C1QTNF7: variants seen among roughly 807,000 people sequenced by gnomAD.
The protein encoded by C1QTNF7 is C1q and TNF related 7.
Under a neutral mutation model 19.6 loss-of-function variants are expected in C1QTNF7, and 15 were observed. The ratio of observed to expected loss-of-function variants is 0.76; its 90% CI spans 0.51 to 1.18. The LOEUF is 1.18. C1QTNF7 is among the 50% of genes most tolerant of loss of function. The pLI, the probability that C1QTNF7 is intolerant of heterozygous loss-of-function variation, is 0.00. For missense variants in C1QTNF7, 324 were observed against 359.7 expected (o/e 0.90, Z 0.80); for synonymous variants, 142 against 137.5 (o/e 1.03, Z -0.23).
chr4:15,403,774 A>G (rs1719083828), intron 1 of C1QTNF7, among the ~76,000 whole-genome samples: 1 of 152,202 alleles, frequency 6.6e-6, no homozygotes, highest in Admixed American at 6.5e-5. Flanking sequence ...GTAACAACTA[A>G]AACTGCTTGC....
At chr4:15,388,603 A>G (rs1718431525) in intron 1 of C1QTNF7, among the ~76,000 whole-genome samples, 1 of 152,212 alleles carries the variant, frequency 6.6e-6, no homozygotes, top group Non-Finnish European at 1.5e-5. Flanking sequence ...GAATTTGTGA[A>G]GGTGCTGTAG....
At chr4:15,361,011 A>G (rs1717325301) in intron 1 of C1QTNF7, among the ~76,000 whole-genome samples, 2 of 152,290 alleles carry the variant, frequency 1.3e-5, no homozygotes, top group South Asian at 2.1e-4. Context: ...TCTCTTCCTC[A>G]TCTATTATCT....
At chr4:15,371,035 C>T (rs1267675753) in intron 1 of C1QTNF7, among the ~76,000 whole-genome samples, 1 of 152,200 alleles carries the variant, frequency 6.6e-6, no homozygotes, top group Non-Finnish European at 1.5e-5. Context: ...GTAGGAATTC[C>T]TCCTAGTTCC....
At chr4:15,376,803 T>G (rs377440365) in intron 1 of C1QTNF7, among the ~76,000 whole-genome samples, 6 of 152,362 alleles carry the variant, frequency 3.9e-5, no homozygotes, top group African/African-American at 1.4e-4. Flanking sequence ...TAAACATTAT[T>G]GACTGTGATG....
intron 2 of C1QTNF7, among the ~76,000 whole-genome samples, chr4:15,436,848 T>C (rs1712559138): frequency 6.6e-6 from 1 of 152,216 alleles, no homozygotes. Context: ...AAAAATTCTA[T>C]ATAACTCCAA....
At chr4:15,340,684 T>C (rs149818654) in intron 1 of C1QTNF7, among the ~76,000 whole-genome samples, 6 of 152,254 alleles carry the variant, frequency 3.9e-5, no homozygotes, top group African/African-American at 9.6e-5. Flanking sequence ...TGGCTTCTTA[T>C]TAACTTGTTT....
At chr4:15,392,548 T>C (rs1000867862) in intron 1 of C1QTNF7, among the ~76,000 whole-genome samples, 3 of 152,192 alleles carry the variant, frequency 2.0e-5, no homozygotes, top group African/African-American at 7.2e-5. Flanking sequence ...CACATCTGCC[T>C]GGGCCCCAGC....
At chr4:15,428,574 A>G (rs1400803709) in intron 1 of C1QTNF7, among the ~76,000 whole-genome samples, 1 of 152,194 alleles carries the variant, frequency 6.6e-6, no homozygotes, top group African/African-American at 2.4e-5. Flanking sequence ...GCCATAACAC[A>G]GTGCAATTGT....
At chr4:15,394,858 C>A (rs1294052479) in intron 1 of C1QTNF7, among the ~76,000 whole-genome samples, 1 of 151,832 alleles carries the variant, frequency 6.6e-6, no homozygotes, top group Non-Finnish European at 1.5e-5. Flanking sequence ...GATATCGGCA[C>A]CCAAGGGGAT....
chr4:15,409,191 C>A (rs1337404208), intron 1 of C1QTNF7, among the ~76,000 whole-genome samples: 1 of 152,166 alleles, frequency 6.6e-6, no homozygotes, highest in Non-Finnish European at 1.5e-5. Context: ...AAACATCTAT[C>A]TTTTTAAAAG....
At chr4:15,398,043 T>G (rs994117212) in intron 1 of C1QTNF7, among the ~76,000 whole-genome samples, 1 of 152,208 alleles carries the variant, frequency 6.6e-6, no homozygotes, top group African/African-American at 2.4e-5. Flanking sequence ...CTTTCTTGCT[T>G]CTTTTCCCAA....
intron 1 of C1QTNF7, among the ~76,000 whole-genome samples, chr4:15,382,099 A>T (rs990514657): frequency 1.3e-5 from 2 of 152,208 alleles, no homozygotes; most frequent in African/African-American, 4.8e-5. Flanking sequence ...TAATTCCCAG[A>T]ATTTGTGCAA....
chr4:15,442,183 C>G lies in C1QTNF7; in HGVS notation c.254C>G (p.Thr85Ser). 1 of 1,608,550 alleles carries G rather than the reference C, an allele frequency of 6.2e-7. No individual in the cohort carries two copies. The highest frequency in any genetic ancestry group is 1.1e-5 in the South Asian group (1 of 90,076). Reference protein sequence around the residue: ...EKGTAGLRGKTGPLGLAGEKG... With the variant: ...EKGTAGLRGKSGPLGLAGEKG... Reference sequence around the variant, plus strand: ...CTTTCTGAAGGTTTGAGAGGTAAGACTGGACCGCTAGGTCTTGCCGGTGAG... The same window carrying G: ...CTTTCTGAAGGTTTGAGAGGTAAGAGTGGACCGCTAGGTCTTGCCGGTGAG... Residue 85 changes from threonine (T) to serine (S), a missense_variant, in exon 3 of 3, where the codon ACT becomes AGT. Thr to Ser is a moderately conservative substitution (Grantham distance 58). Coordinates refer to ENST00000444304, the MANE Select transcript of C1QTNF7 (RefSeq NM_031911.5).
At chr4:15,363,367 T>C (rs1417915588) in intron 1 of C1QTNF7, among the ~76,000 whole-genome samples, 1 of 152,088 alleles carries the variant, frequency 6.6e-6, no homozygotes, top group Non-Finnish European at 1.5e-5. Context: ...GAGACCTAGG[T>C]TTATTCTACC....
chr4:15,403,627 GATCTC>G (rs1719076433), intron 1 of C1QTNF7, among the ~76,000 whole-genome samples: 1 of 152,134 alleles, frequency 6.6e-6, no homozygotes, highest in Admixed American at 6.5e-5. Context: ...AATCCAGGAT[GATCTC>G]ATCTCAAGAT....
At chr4:15,340,573 G>A (rs1716504238) in intron 1 of C1QTNF7, among the ~76,000 whole-genome samples, 1 of 152,058 alleles carries the variant, frequency 6.6e-6, no homozygotes. Context: ...CCCCTTATAT[G>A]CAACTCAACT....
intron 1 of C1QTNF7, among the ~76,000 whole-genome samples, chr4:15,383,700 T>C (rs1718229058): frequency 6.6e-6 from 1 of 152,204 alleles, no homozygotes; most frequent in African/African-American, 2.4e-5. Flanking sequence ...CACAGAATAC[T>C]AGGCACAGTT....
intron 1 of C1QTNF7, among the ~76,000 whole-genome samples, chr4:15,368,089 A>G (rs1276779966): frequency 6.6e-6 from 1 of 152,112 alleles, no homozygotes; most frequent in Admixed American, 6.6e-5. Flanking sequence ...GCAACCACTT[A>G]TCTGACTGAT....
intron 1 of C1QTNF7, among the ~76,000 whole-genome samples, chr4:15,413,097 A>G (rs1719463249): frequency 6.6e-6 from 1 of 152,226 alleles, no homozygotes. Context: ...TAGCAAGATA[A>G]CCAACACCAA....
Sources: gnomAD v4.1 joint callset for allele counts (sites outside exome capture counted in the v4.1 genomes callset) on GRCh38, gnomAD v4.1.1 for gene constraint, MANE v1.5 for transcripts, NCBI Gene and HGNC (gene_info 2026-07-23, HGNC 2026-07-21) for gene names.